ACSL3: variants seen among roughly 807,000 people sequenced by gnomAD.
ACSL3 encodes the protein acyl-CoA synthetase long chain family member 3.
Under a neutral mutation model 84.7 loss-of-function variants are expected in ACSL3, and 34 were observed. The ratio of observed to expected loss-of-function variants is 0.40; its 90% CI spans 0.31 to 0.53. The LOEUF (loss-of-function observed/expected upper bound fraction) is 0.53. Ranked by LOEUF, ACSL3 falls within the 20% of genes least tolerant of loss-of-function variation. The probability of loss-of-function intolerance (pLI) is 0.48; values close to 1 mark genes in which losing one functional copy is unlikely to be tolerated. For synonymous variants in ACSL3, 315 were observed against 299.4 expected, an observed-to-expected ratio of 1.05 and a Z score of -0.54; for missense variants, 680 against 873.1, an observed-to-expected ratio of 0.78 and a Z score of 2.79.
In ACSL3 at chr2:222,887,855, C is replaced by G. The variant is rs2106100037; in HGVS notation, c.-181C>G. 6.6e-6 allele frequency: 1 copy of G among 152,250 alleles called. No individual in the cohort carries two copies. Among genetic ancestry groups the G allele is most frequent in the Admixed American group, 6.5e-5 (1 of 15,298 alleles). 9.4% of individuals were successfully genotyped at this position (152,250 alleles called of 1,614,324 possible). ...GTTTTGACACAAGGGCGCATATCTTCAAAGCACCTAGTACCTCCTACCATT... is the reference window on the plus strand; with the variant it reads ...GTTTTGACACAAGGGCGCATATCTTGAAAGCACCTAGTACCTCCTACCATT... On this transcript the variant is annotated 5_prime_UTR_variant, in exon 2 of 17. Coordinates refer to ENST00000357430, the MANE Select transcript of ACSL3 (RefSeq NM_004457.5).
intron 7 of ACSL3, among the ~76,000 whole-genome samples, chr2:222,920,662 C>CTT (rs142788194): frequency 6.6e-6 from 1 of 151,996 alleles, no homozygotes; most frequent in Non-Finnish European, 1.5e-5. Flanking sequence ...CCAAAGTGAT[C>CTT]TTTTTTTTCA....
intron 1 of ACSL3, among the ~76,000 whole-genome samples, chr2:222,885,656 CT>C (rs1695701545): frequency 6.6e-6 from 1 of 152,138 alleles, no homozygotes; most frequent in Non-Finnish European, 1.5e-5. Flanking sequence ...TATTTCCCCC[CT>C]GGATGAATAG....
At chr2:222,890,688 C>G (rs1695824647) in intron 2 of ACSL3, among the ~76,000 whole-genome samples, 1 of 152,174 alleles carries the variant, frequency 6.6e-6, no homozygotes, top group African/African-American at 2.4e-5. Flanking sequence ...GTGGCCCAGG[C>G]TGAGGTGCAG....
Position 222,927,127 on chromosome 2 carries a change from G to C in ACSL3, c.1403G>C (p.Cys468Ser). The change falls in exon 12 of 17, where the codon TGC becomes TCC. Residue 468 changes from cysteine to serine, a missense_variant. By Grantham distance (112) the Cys-to-Ser change is moderately radical (BLOSUM62 -1). This residue lies in a region of ACSL3 where 347 missense variants were observed against 525.7 expected (regional missense o/e 0.66). Coordinates refer to ENST00000357430, the MANE Select transcript of ACSL3 (RefSeq NM_004457.5). Reference sequence around the variant, plus strand: ...CAGCGATTCATGAACATCTGTTTCTGCTGTCCTGTTGGTCAGGGATACGGG... The same window carrying C: ...CAGCGATTCATGAACATCTGTTTCTCCTGTCCTGTTGGTCAGGGATACGGG... ...TTQRFMNICF[C>S]CPVGQGYGLT... 1 of 1,614,146 alleles carries C rather than the reference G, an allele frequency of 6.2e-7. No individual in the cohort carries two copies.
intron 7 of ACSL3, chr2:222,921,027 T>A (rs1341243254): frequency 8.5e-6 from 5 of 587,958 alleles, no homozygotes. Context: ...ATAGCATCTA[T>A]TGTCATCTTC....
chr2:222,885,262 A>T lies in ACSL3; in HGVS notation c.-206-2568A>T, dbSNP rs1374386916. Among the ~76,000 whole-genome samples the T allele has an allele frequency of 2.6e-5, 4 of 152,226 alleles. No homozygotes were observed. In the East Asian group the frequency reaches 7.7e-4, roughly 29 times the overall value. On this transcript the variant is annotated intron_variant, in intron 1 of 16. Coordinates refer to ENST00000357430, the MANE Select transcript of ACSL3 (RefSeq NM_004457.5). ...ATTTGTCAAAAGGGATTGCTGGGTC[A>T]TAGGAGTCTACATTTTCAGCTTTTG...
chr2:222,922,794 G>A lies in ACSL3; in HGVS notation c.1043G>A (p.Arg348His), dbSNP rs139999422. ...CTTGTCTGTCTTTCTCACGGATGCC[G>A]CATTGGTTACTCTTCACCACAGACT... ...AELVCLSHGC[R>H]IGYSSPQTLA... Residue 348 changes from arginine (R) to histidine (H), a missense_variant, in exon 9 of 17, where the codon CGC (arginine) becomes CAC (histidine). Around this residue, in one of 2 missense-constraint regions of ACSL3, gnomAD observed 347 missense variants for 525.7 expected, o/e 0.66. Coordinates refer to ENST00000357430, the MANE Select transcript of ACSL3 (RefSeq NM_004457.5). 9.6e-5 allele frequency: 155 copies of A among 1,613,992 alleles called. No individual in the cohort carries two copies. The highest frequency in any genetic ancestry group is 1.2e-4 in the Non-Finnish European group (146 of 1,179,978).
chr2:222,912,590 G>C (rs1386650320), intron 4 of ACSL3, among the ~76,000 whole-genome samples: 1 of 152,180 alleles, frequency 6.6e-6, no homozygotes, highest in East Asian at 1.9e-4. Flanking sequence ...CCAGAATGTT[G>C]TATCTGATAT....
chr2:222,919,376 A>C (rs1047847187), intron 7 of ACSL3, 174 bp downstream of exon 7: 6 of 503,166 alleles, frequency 1.2e-5, no homozygotes, highest in African/African-American at 4.0e-5. Context: ...AGAAAGTTTT[A>C]AGGAAAAATA....
intron 13 of ACSL3, among the ~76,000 whole-genome samples, chr2:222,930,312 G>A (rs945665461): frequency 1.3e-5 from 2 of 152,148 alleles, no homozygotes; most frequent in African/African-American, 4.8e-5. Flanking sequence ...TATTTAAGAT[G>A]TTGCAGAATC....
chr2:222,930,850 T>A (rs1456536536), intron 14 of ACSL3, 38 bp downstream of exon 14: 1 of 1,538,486 alleles, frequency 6.5e-7, no homozygotes, highest in African/African-American at 1.4e-5. Flanking sequence ...TGAATGTTTC[T>A]GAAATAGTTT....
intron 4 of ACSL3, among the ~76,000 whole-genome samples, chr2:222,914,448 C>T (rs763379397): frequency 2.6e-5 from 4 of 151,946 alleles, no homozygotes; most frequent in Non-Finnish European, 4.4e-5. Flanking sequence ...CTTTTTTAGA[C>T]ATGGGGTCTT....
chr2:222,907,954 T>C (rs1696338196), intron 3 of ACSL3, among the ~76,000 whole-genome samples: 1 of 152,100 alleles, frequency 6.6e-6, no homozygotes, highest in Non-Finnish European at 1.5e-5. Flanking sequence ...CTGGGTTTAT[T>C]TTCCTCATAA....
rs539061779 is a variant in ACSL3, at chr2:222,880,839, A to C, written c.-206-6991A>C. On this transcript the variant is annotated intron_variant, in intron 1 of 16. Coordinates refer to ENST00000357430, the MANE Select transcript of ACSL3 (RefSeq NM_004457.5). Reference sequence around the variant, plus strand: ...AGCGAGACTCTGTCTCCCAAAAAAAAAAAAAACAAAAAAAAACCTGTCTAT... The same window carrying C: ...AGCGAGACTCTGTCTCCCAAAAAAACAAAAAACAAAAAAAAACCTGTCTAT... 1.1e-3 allele frequency among the ~76,000 whole-genome samples: 162 copies of C among 151,488 alleles called. 1 individual carries two copies. The highest frequency in any genetic ancestry group is 3.7e-3 in the African/African-American group (151 of 41,144).
rs774851080 is a variant in ACSL3 at position 222,916,321 on chromosome 2, T to G, written c.381T>G (p.Val127=). 2 of 1,544,544 alleles carry G rather than the reference T, an allele frequency of 1.3e-6. No homozygotes were observed. The highest frequency in any genetic ancestry group is 2.8e-5 in the African/African-American group (2 of 72,552). ...AAAATTTTTTTTTGTTTTATCAGGTTATTCTTGGACAGTATAATTGGCTTT... is the reference window on the plus strand; with the variant it reads ...AAAATTTTTTTTTGTTTTATCAGGTGATTCTTGGACAGTATAATTGGCTTT... ...VQPNGKIFKK[V]ILGQYNWLSY... is the part of the protein sequence containing the mutation. Residue 127 remains valine (V), a splice_region_variant and synonymous_variant, in exon 5 of 17, where the codon GTT becomes GTG. Coordinates refer to ENST00000357430, the MANE Select transcript of ACSL3 (RefSeq NM_004457.5).
At chr2:222,941,425 A>G in intron 16 of ACSL3, 72 bp from the exon 17 acceptor site, 1 of 1,316,974 alleles carries the variant, frequency 7.6e-7, no homozygotes, top group South Asian at 1.5e-5. Flanking sequence ...ATACGCAAAA[A>G]GTGGGGAAGT....
At chr2:222,924,400 A>G in intron 10 of ACSL3, 56 bp from the exon 11 acceptor site, 1 of 1,423,376 alleles carries the variant, frequency 7.0e-7, no homozygotes, top group East Asian at 2.5e-5. Context: ...ATGCTAAGTG[A>G]ATATGTAAGG....
intron 1 of ACSL3, among the ~76,000 whole-genome samples, chr2:222,881,426 A>G (rs1665787191): frequency 6.6e-6 from 1 of 152,208 alleles, no homozygotes; most frequent in Admixed American, 6.5e-5. Flanking sequence ...ATGATGTTTA[A>G]TGTTGATTTC....
intron 1 of ACSL3, among the ~76,000 whole-genome samples, chr2:222,879,614 C>A (rs1232061494): frequency 6.6e-6 from 1 of 152,248 alleles, no homozygotes; most frequent in Non-Finnish European, 1.5e-5. Context: ...TTCTGTCTCT[C>A]TCCAATTCCA....
Sources: gnomAD v4.1 joint callset for allele counts (sites outside exome capture counted in the v4.1 genomes callset) on GRCh38, gnomAD v4.1.1 for gene constraint, gnomAD v4.1.1 regional missense constraint, MANE v1.5 for transcripts, NCBI Gene and HGNC (gene_info 2026-07-23, HGNC 2026-07-21) for gene names.